The following EML6 variants were observed in gnomAD, a reference collection of about 807,000 sequenced individuals.
The protein encoded by EML6 is echinoderm microtubule-associated protein-like 6.
EML6 carries 154 observed loss-of-function variants against 240.1 expected under a neutral mutation model. The ratio of observed to expected loss-of-function variants is 0.64; its 90% confidence interval spans 0.56 to 0.73. The LOEUF (loss-of-function observed/expected upper bound fraction) is 0.73, where lower values mean the gene tolerates loss of function less well. Ranked by LOEUF, EML6 falls within the 30% of genes least tolerant of loss-of-function variation. EML6 has a pLI of 0.00. For synonymous variants in EML6, 1,148 were observed against 899.0 expected (o/e 1.28, Z -4.95); for missense variants, 2,964 against 2,474.6 (o/e 1.20, Z -4.20).
At chr2:54,959,487 C>A (rs1301550642) in intron 34 of EML6, among the ~76,000 whole-genome samples, 34 of 152,142 alleles carry the variant, frequency 2.2e-4, no homozygotes, top group Admixed American at 2.2e-3. Flanking sequence ...CTGAGAGAGG[C>A]ATGGTGGTTC....
intron 2 of EML6, among the ~76,000 whole-genome samples, chr2:54,791,336 C>G (rs1035735028): frequency 1.3e-5 from 2 of 152,172 alleles, no homozygotes; most frequent in Non-Finnish European, 2.9e-5. Flanking sequence ...GGGAAGGTGC[C>G]TACATTCTGT....
At chr2:54,744,846 A>G (rs1472412546) in intron 2 of EML6, among the ~76,000 whole-genome samples, 1 of 151,304 alleles carries the variant, frequency 6.6e-6, no homozygotes, top group Non-Finnish European at 1.5e-5. Context: ...GTCAGTCACC[A>G]CTGTATTAGG....
Position 54,951,842 on chromosome 2 carries a change from T to C in EML6, c.4214-752T>C, listed in dbSNP as rs562713495. Reference sequence around the variant, plus strand: ...CTGAGGGGGAGGAGGACCTTGACATTGTCTATATATTTTCTTCACTTTCTA... The same window carrying C: ...CTGAGGGGGAGGAGGACCTTGACATCGTCTATATATTTTCTTCACTTTCTA... On this transcript the variant is annotated intron_variant, in intron 30 of 41. Transcript: ENST00000356458. Among the ~76,000 whole-genome samples, 6 of 152,230 alleles carry C rather than the reference T, an allele frequency of 3.9e-5. No homozygotes were observed. The South Asian group carries it at 1.2e-3, about 32-fold the overall frequency.
chr2:54,779,849 C>A (rs1668769143), intron 2 of EML6, among the ~76,000 whole-genome samples: 1 of 121,052 alleles, frequency 8.3e-6, no homozygotes, highest in Non-Finnish European at 1.6e-5. Context: ...GTGACAGACC[C>A]AGTCTCAAAA....
At position 54,959,123 on chromosome 2, in the gene EML6, G is replaced by C. The variant is rs578052295; in HGVS notation, c.4715G>C (p.Gly1572Ala). Residue 1572 changes from glycine to alanine, a missense_variant, in exon 34 of 42, where the codon GGT (glycine) becomes GCT (alanine). Coordinates refer to ENST00000356458, the MANE Select transcript of EML6 (RefSeq NM_001039753.4). ...TTACAGAACAATCTCACTTTCACGG[G>C]TGCCATCAATGGAGATGTCTACGTC... Reference protein sequence around the residue: ...AFGANNLTFTGAINGDVYVWK... With the variant: ...AFGANNLTFTAAINGDVYVWK... The C allele has an allele frequency of 1.9e-4, 291 of 1,550,920 alleles. No homozygotes were observed. The highest frequency in any genetic ancestry group is 2.5e-4 in the Non-Finnish European group (282 of 1,146,786).
At chr2:54,794,505 C>T (rs745519803) in intron 2 of EML6, among the ~76,000 whole-genome samples, 1 of 152,164 alleles carries the variant, frequency 6.6e-6, no homozygotes, top group Non-Finnish European at 1.5e-5. Context: ...GAAGGGTCAA[C>T]TCAGTTCCCT....
At chr2:54,910,446 TG>T (rs1490568237) in intron 24 of EML6, among the ~76,000 whole-genome samples, 2 of 150,944 alleles carry the variant, frequency 1.3e-5, no homozygotes, top group African/African-American at 4.8e-5. Context: ...GACCAGAGGG[TG>T]GGGAAGGAAT....
chr2:54,861,590 C>CG (rs1670674702), intron 12 of EML6, among the ~76,000 whole-genome samples: 2 of 152,144 alleles, frequency 1.3e-5, no homozygotes, highest in Admixed American at 6.5e-5. Flanking sequence ...GTCTTCCCCC[C>CG]TTTACAGTCT....
intron 2 of EML6, among the ~76,000 whole-genome samples, chr2:54,797,171 A>AAAAAACAAC (rs1669843505): frequency 1.4e-5 from 2 of 140,726 alleles, no homozygotes; most frequent in African/African-American, 5.1e-5. Context: ...TCTCAAAAAA[A>AAAAAACAAC]AAAAAAAAAA....
chr2:54,954,262 C>A lies in EML6; in HGVS notation c.4486+106C>A, dbSNP rs1324864268. 5 of 994,224 alleles carry A rather than the reference C, an allele frequency of 5.0e-6. No individual in the cohort carries two copies. In the Admixed American group the frequency reaches 1.1e-4, roughly 23 times the overall value. 61.6% of individuals were successfully genotyped at this position (994,224 alleles called of 1,614,324 possible). ...CTCACTCCGAAGCCTGCCGTAGGCA[C>A]TGACTGCTGCTGGGCAAGTGGAAAA... On this transcript the variant is annotated intron_variant, in intron 32 of 41. Transcript: ENST00000356458.
rs144911346 is a variant in EML6, at chr2:54,822,146, T to C, written c.525+1684T>C. 3.5e-3 allele frequency among the ~76,000 whole-genome samples: 531 copies of C among 152,198 alleles called. 14 individuals carry two copies. The South Asian group carries it at 0.07, about 20-fold the overall frequency. On this transcript the variant is annotated intron_variant, in intron 5 of 41. Transcript: ENST00000356458. ...GACAAATAGAAACACTGTTGGCCAA[T>C]AGACTTATGAAAATGTTAAAATCTA...
chr2:54,962,568 G>A lies in EML6; in HGVS notation c.5014G>A (p.Gly1672Ser), dbSNP rs1437612103. 3.2e-6 allele frequency: 5 copies of A among 1,548,878 alleles called. No homozygotes were observed. Among genetic ancestry groups the A allele is most frequent in the Non-Finnish European group, 4.4e-6 (5 of 1,145,728 alleles). Reference protein sequence around the residue: ...GTKDGEIIEVGEKNAASNILI... With the variant: ...GTKDGEIIEVSEKNAASNILI... ...CAAAGACGGAGAAATAATTGAAGTTGGTGAAAAAAATGCTGCTTCTAACAT... is the reference window on the plus strand; with the variant it reads ...CAAAGACGGAGAAATAATTGAAGTTAGTGAAAAAAATGCTGCTTCTAACAT... The change falls in exon 36 of 42, where the codon GGT (glycine) becomes AGT (serine). Residue 1672 changes from glycine (G) to serine (S), a missense_variant. By Grantham distance (56) the Gly-to-Ser change is moderately conservative. Coordinates refer to ENST00000356458, the MANE Select transcript of EML6 (RefSeq NM_001039753.4).
chr2:54,808,009 A>C (rs909539937), intron 2 of EML6, among the ~76,000 whole-genome samples: 1 of 152,214 alleles, frequency 6.6e-6, no homozygotes, highest in Non-Finnish European at 1.5e-5. Flanking sequence ...ACCACTCATC[A>C]AGCTTGTTAA....
Position 54,725,021 on chromosome 2 carries a change from C to CG in EML6, c.-39dup. 4 of 1,459,354 alleles carry CG rather than the reference C, an allele frequency of 2.7e-6. No homozygotes were observed. Among genetic ancestry groups the CG allele is most frequent in the Non-Finnish European group, 3.6e-6 (4 of 1,106,074 alleles). The allele number at this position is 1,459,354 out of a possible 1,614,324, so 90.4% of individuals were successfully genotyped here. A position where few individuals can be genotyped will look rare whatever the true frequency, so the allele number is the denominator to read the frequency against. ...GCCCCAGCCTCGGCGAGGACGGCCC[C>CG]GGCGCGCGGGGGGGCGGGGGGCGCG... On this transcript the variant is annotated 5_prime_UTR_variant, in exon 2 of 42. Coordinates refer to ENST00000356458, the MANE Select transcript of EML6 (RefSeq NM_001039753.4). This position sits in a 1 kb window ranked among gnomAD's most constrained non-coding sequence, Gnocchi z 4.3.
In EML6 at chr2:54,724,303, C is replaced by T. The variant is rs1182989690; in HGVS notation, c.-513-246C>T. 6.6e-6 allele frequency among the ~76,000 whole-genome samples: 1 copy of T among 152,122 alleles called. No individual in the cohort carries two copies. Among genetic ancestry groups the T allele is most frequent in the African/African-American group, 2.4e-5 (1 of 41,414 alleles). The stretch of plus-strand genomic sequence containing the variant: ...TGGAGCATCTAAAAAATGACCATTG[C>T]ATATTCGCCCTCGCTTATTAGGGAA... On this transcript the variant is annotated intron_variant, in intron 1 of 41. Transcript: ENST00000356458. The surrounding 1 kb of genome is among the most constrained non-coding windows in gnomAD (Gnocchi z 5.2).
chr2:54,901,339 G>A (rs1323862785), intron 22 of EML6, among the ~76,000 whole-genome samples: 1 of 152,176 alleles, frequency 6.6e-6, no homozygotes, highest in African/African-American at 2.4e-5. Context: ...GGTAAATGGT[G>A]GAGGCAGGAT....
At chr2:54,809,173 A>G (rs1426179710) in intron 2 of EML6, among the ~76,000 whole-genome samples, 1 of 152,226 alleles carries the variant, frequency 6.6e-6, no homozygotes, top group Non-Finnish European at 1.5e-5. Context: ...GTGCTGTCGT[A>G]GCTAAAATAA....
chr2:54,863,879 A>C lies in EML6; in HGVS notation c.1922A>C (p.Tyr641Ser). ...ATTGAGCAAGAAGCTCAAATCAATTATGATCGCCAGGTCGGTAAGCAGGGA... is the reference window on the plus strand; with the variant it reads ...ATTGAGCAAGAAGCTCAAATCAATTCTGATCGCCAGGTCGGTAAGCAGGGA... ...SDIEQEAQIN[Y>S]DRQVYKEDLP... is the part of the protein sequence containing the mutation. Residue 641 changes from tyrosine to serine, a missense_variant, in exon 13 of 42, where the codon TAT (tyrosine) becomes TCT (serine). Coordinates refer to ENST00000356458, the MANE Select transcript of EML6 (RefSeq NM_001039753.4). 1.3e-6 allele frequency: 2 copies of C among 1,537,798 alleles called. No individual in the cohort carries two copies. The highest frequency in any genetic ancestry group is 1.8e-6 in the Non-Finnish European group (2 of 1,137,796).
At chr2:54,925,536 T>A (rs1039612551) in intron 26 of EML6, among the ~76,000 whole-genome samples, 10 of 152,222 alleles carry the variant, frequency 6.6e-5, no homozygotes, top group African/African-American at 2.4e-4. Context: ...TGGCTCTTTT[T>A]CTCATTCTAC....
Sources: gnomAD v4.1 joint callset for allele counts (sites outside exome capture counted in the v4.1 genomes callset) on GRCh38, gnomAD v4.1.1 for gene constraint, Gnocchi (gnomAD v3.1) non-coding constraint, MANE v1.5 for transcripts, NCBI Gene and HGNC (gene_info 2026-07-23, HGNC 2026-07-21) for gene names.